The following GRB14 variants were observed in gnomAD, a reference collection of about 807,000 sequenced individuals.
GRB14 encodes the protein growth factor receptor-bound protein 14.
Under a neutral mutation model 69.1 loss-of-function variants are expected in GRB14, and 38 were observed. The observed-to-expected ratio is 0.55, with a 90% CI of 0.42 to 0.72. The LOEUF (loss-of-function observed/expected upper bound fraction) is 0.72, where lower values mean the gene tolerates loss of function less well. Among genes scored for constraint, GRB14 ranks in the 30% least tolerant of loss-of-function variants. GRB14 has a pLI of 0.00. For synonymous variants in GRB14, 247 were observed against 241.3 expected (o/e 1.02, Z -0.22); for missense variants, 666 against 666.1 (o/e 1.00, Z 0.00).
At chr2:164,603,594 C>T (rs1314417240) in intron 2 of GRB14, among the ~76,000 whole-genome samples, 1 of 150,520 alleles carries the variant, frequency 6.6e-6, no homozygotes, top group African/African-American at 2.4e-5. Flanking sequence ...AACCTGGAGG[C>T]AGAGGTTGCA....
At chr2:164,599,456 A>C (rs981117533) in intron 2 of GRB14, among the ~76,000 whole-genome samples, 1 of 152,180 alleles carries the variant, frequency 6.6e-6, no homozygotes, top group African/African-American at 2.4e-5. Context: ...TCATTACTCT[A>C]TCCAATGTTT....
chr2:164,515,480 G>C (rs1687457903), intron 6 of GRB14, among the ~76,000 whole-genome samples: 1 of 152,118 alleles, frequency 6.6e-6, no homozygotes, highest in Non-Finnish European at 1.5e-5. Context: ...CTGCAGTTTG[G>C]CTCTCAGGAA....
chr2:164,578,059 C>A (rs919239135), intron 2 of GRB14, among the ~76,000 whole-genome samples: 1 of 151,900 alleles, frequency 6.6e-6, no homozygotes, highest in African/African-American at 2.4e-5. Flanking sequence ...ATGGTGAAAC[C>A]CTGTATCTAC....
At chr2:164,558,355 C>T (rs1688733573) in intron 2 of GRB14, among the ~76,000 whole-genome samples, 1 of 152,072 alleles carries the variant, frequency 6.6e-6, no homozygotes, top group African/African-American at 2.4e-5. Context: ...AGAAACTGCT[C>T]CAATTTCATT....
At chr2:164,496,213 G>A (rs1686889469) in intron 12 of GRB14, among the ~76,000 whole-genome samples, 1 of 152,102 alleles carries the variant, frequency 6.6e-6, no homozygotes, top group South Asian at 2.1e-4. Context: ...AACTTTTGAA[G>A]ATAAAAGATC....
intron 12 of GRB14, among the ~76,000 whole-genome samples, chr2:164,496,759 C>T (rs1200540276): frequency 1.3e-5 from 2 of 152,118 alleles, no homozygotes; most frequent in Non-Finnish European, 2.9e-5. Context: ...TATTAGTGAT[C>T]ACTGGTTAAG....
chr2:164,620,078 TC>T lies in GRB14; in HGVS notation c.192-260del, dbSNP rs1342589289. The T allele has an allele frequency of 1.1e-3, 36 of 32,576 alleles. 1 individual carries two copies. Among genetic ancestry groups the T allele is most frequent in the South Asian group, 4.1e-3 (7 of 1,690 alleles). The allele number at this position is 32,576 out of a possible 1,614,324, so 2.0% of individuals were successfully genotyped here. On this transcript the variant is annotated intron_variant, in intron 1 of 13. Coordinates refer to ENST00000263915, the MANE Select transcript of GRB14 (RefSeq NM_004490.3). ...TCTCTCTCTCCCCTCCCACCACCCC[TC>T]CCCCCCCCACCGCCTTCTCTCTCTC...
At chr2:164,547,597 C>A in intron 3 of GRB14, 63 bp downstream of exon 3, 1 of 1,324,930 alleles carries the variant, frequency 7.5e-7, no homozygotes, top group South Asian at 1.5e-5. Flanking sequence ...TATTGGTGTT[C>A]AAGAGGGAGC....
chr2:164,618,420 T>C (rs1690362272), intron 2 of GRB14, among the ~76,000 whole-genome samples: 1 of 152,076 alleles, frequency 6.6e-6, no homozygotes, highest in African/African-American at 2.4e-5. Context: ...TTAAACCTCA[T>C]CCTGATAATA....
intron 2 of GRB14, among the ~76,000 whole-genome samples, chr2:164,610,033 G>T (rs1327525455): frequency 6.6e-6 from 1 of 152,074 alleles, no homozygotes; most frequent in South Asian, 2.1e-4. Context: ...CACGCCCCAG[G>T]GTAATGCACC....
intron 2 of GRB14, among the ~76,000 whole-genome samples, chr2:164,617,959 T>TTGGGGGGG (rs760744590): frequency 1.3e-5 from 1 of 77,064 alleles, no homozygotes; most frequent in Non-Finnish European, 2.8e-5. Flanking sequence ...ATCTTTTTTT[T>TTGGGGGGG]GGGGGGGGGG....
chr2:164,524,428 C>T (rs563700466), intron 5 of GRB14, among the ~76,000 whole-genome samples: 61 of 152,064 alleles, frequency 4.0e-4, no homozygotes, highest in African/African-American at 1.1e-3. Context: ...AGAAATGAGT[C>T]CAATAGACAC....
intron 2 of GRB14, among the ~76,000 whole-genome samples, chr2:164,585,990 G>C (rs1689528779): frequency 6.6e-6 from 1 of 152,188 alleles, no homozygotes; most frequent in Non-Finnish European, 1.5e-5. Flanking sequence ...ACATGACATA[G>C]ATTATGCCTT....
intron 3 of GRB14, among the ~76,000 whole-genome samples, chr2:164,547,364 T>C (rs1201350251): frequency 6.6e-6 from 1 of 152,158 alleles, no homozygotes; most frequent in African/African-American, 2.4e-5. Context: ...GAGATTGAAT[T>C]TTTTAAAAAA....
intron 2 of GRB14, among the ~76,000 whole-genome samples, chr2:164,617,585 G>A (rs1690328109): frequency 6.6e-6 from 1 of 151,972 alleles, no homozygotes; most frequent in Non-Finnish European, 1.5e-5. Flanking sequence ...ACTAACATAA[G>A]CATACCAACA....
At position 164,525,003 on chromosome 2, in the gene GRB14, C is replaced by T; in HGVS notation, c.678+1G>A. The T allele has an allele frequency of 6.5e-7, 1 of 1,532,684 alleles. No individual in the cohort carries two copies. Among genetic ancestry groups the T allele is most frequent in the Non-Finnish European group, 8.9e-7 (1 of 1,122,154 alleles). 94.9% of individuals were successfully genotyped at this position (1,532,684 alleles called of 1,614,324 possible). On this transcript the variant is annotated splice_donor_variant, in intron 5 of 13. Transcript: ENST00000263915. LOFTEE classifies it high-confidence loss of function. ...TATATGTTAATAAAAATATATTTTA[C>T]CTGCAAAATCTGTGTGGGGGATATT...
intron 6 of GRB14, among the ~76,000 whole-genome samples, chr2:164,509,240 T>C (rs1472535675): frequency 2.6e-5 from 4 of 152,088 alleles, no homozygotes; most frequent in African/African-American, 9.7e-5. Context: ...GGGGAGAAGG[T>C]TGGTTTGAGC....
chr2:164,567,222 G>T (rs1249886862), intron 2 of GRB14, among the ~76,000 whole-genome samples: 1 of 152,140 alleles, frequency 6.6e-6, no homozygotes, highest in African/African-American at 2.4e-5. Flanking sequence ...AAGAACTCAT[G>T]TTGGCAAAAT....
chr2:164,610,006 G>A (rs1210241466), intron 2 of GRB14, among the ~76,000 whole-genome samples: 2 of 152,154 alleles, frequency 1.3e-5, no homozygotes, highest in African/African-American at 2.4e-5. Context: ...CCCTGTGTGT[G>A]ATGCCCTGGA....
Sources: allele counts gnomAD v4.1 joint callset (sites outside exome capture counted in the v4.1 genomes callset), GRCh38; gene constraint gnomAD v4.1.1; transcripts MANE v1.5; gene names NCBI Gene and HGNC (gene_info 2026-07-23, HGNC 2026-07-21).